The following CNTNAP2 variants were observed in gnomAD, a reference collection of about 807,000 sequenced individuals.
CNTNAP2 encodes contactin associated protein 2, also known as contactin-associated protein-like 2.
Under a neutral mutation model 155.2 loss-of-function variants are expected in CNTNAP2, and 98 were observed. That is an observed-to-expected ratio of 0.63 (90% CI 0.54 to 0.75). The LOEUF (loss-of-function observed/expected upper bound fraction) is 0.75, where lower values mean the gene tolerates loss of function less well. Ranked by LOEUF, CNTNAP2 falls within the 30% of genes least tolerant of loss-of-function variation. The probability of loss-of-function intolerance (pLI) is 0.00; values close to 1 mark genes in which losing one functional copy is unlikely to be tolerated. For missense variants in CNTNAP2, 1,727 were observed against 1,688.1 expected, an observed-to-expected ratio of 1.02 and a Z score of -0.40; for synonymous variants, 651 against 631.2, an observed-to-expected ratio of 1.03 and a Z score of -0.47.
intron 13 of CNTNAP2, among the ~76,000 whole-genome samples, chr7:147,791,453 C>CTTTT (rs35344971): frequency 4.1e-5 from 5 of 123,442 alleles, no homozygotes; most frequent in Admixed American, 8.3e-5. Context: ...CTCTCTCTCT[C>CTTTT]TTTTTTTTTT....
intron 13 of CNTNAP2, among the ~76,000 whole-genome samples, chr7:147,680,567 T>C (rs1461089981): frequency 3.3e-5 from 5 of 151,770 alleles, no homozygotes; most frequent in African/African-American, 1.2e-4. Flanking sequence ...ACACCCGGAG[T>C]AGATTCAGGA....
intron 3 of CNTNAP2, among the ~76,000 whole-genome samples, chr7:146,986,978 T>C (rs1055745720): frequency 6.6e-6 from 1 of 152,122 alleles, no homozygotes; most frequent in African/African-American, 2.4e-5. Context: ...TAAATAAAGT[T>C]GTTTCGTTCT....
intron 19 of CNTNAP2, among the ~76,000 whole-genome samples, chr7:148,224,788 G>T (rs1472611926): frequency 6.6e-6 from 1 of 152,214 alleles, no homozygotes; most frequent in Non-Finnish European, 1.5e-5. Flanking sequence ...TACAGTAATG[G>T]TGGAAGGGGA....
At chr7:146,210,092 T>C (rs189940718) in intron 1 of CNTNAP2, among the ~76,000 whole-genome samples, 15 of 152,262 alleles carry the variant, frequency 9.9e-5, no homozygotes, top group Non-Finnish European at 1.9e-4. Flanking sequence ...TTTTCATGTT[T>C]TTAATAGACA....
At chr7:147,645,298 G>T (rs1040077037) in intron 13 of CNTNAP2, among the ~76,000 whole-genome samples, 1 of 152,176 alleles carries the variant, frequency 6.6e-6, no homozygotes, top group African/African-American at 2.4e-5. Flanking sequence ...TGAATTTCAA[G>T]TTATGCTGTG....
chr7:147,295,721 C>T (rs1805428516), intron 8 of CNTNAP2, among the ~76,000 whole-genome samples: 1 of 152,128 alleles, frequency 6.6e-6, no homozygotes, highest in Non-Finnish European at 1.5e-5. Flanking sequence ...ATTGGGTCTT[C>T]CTTGCCACAT....
chr7:147,680,543 G>A (rs1034454175), intron 13 of CNTNAP2, among the ~76,000 whole-genome samples: 2 of 151,838 alleles, frequency 1.3e-5, no homozygotes, highest in Non-Finnish European at 2.9e-5. Context: ...CTTTTGTGAG[G>A]TCTACCCTAG....
At chr7:146,989,919 ATT>A (rs5888230) in intron 3 of CNTNAP2, among the ~76,000 whole-genome samples, 19 of 149,812 alleles carry the variant, frequency 1.3e-4, no homozygotes, top group East Asian at 5.9e-4. Flanking sequence ...AGTGCCATTG[ATT>A]TTTTTTTTTT....
At chr7:146,559,689 A>C (rs1798251479) in intron 1 of CNTNAP2, among the ~76,000 whole-genome samples, 1 of 152,200 alleles carries the variant, frequency 6.6e-6, no homozygotes, top group Non-Finnish European at 1.5e-5. Flanking sequence ...ATATTTTTTG[A>C]ATATCATAAG....
At position 147,483,835 on chromosome 7, in the gene CNTNAP2, G is replaced by T. The variant is rs1430543784; in HGVS notation, c.1671-2100G>T. ...GCTGTGTGTGTTCCCACGCCTCAGG[G>T]CCTGTACAGAATAGTGGCTATAGGA... On this transcript the variant is annotated intron_variant, in intron 10 of 23. Transcript: ENST00000361727. Among the ~76,000 whole-genome samples the T allele has an allele frequency of 7.2e-5, 11 of 152,246 alleles. No individual in the cohort carries two copies. In the East Asian group the frequency reaches 2.1e-3, roughly 29 times the overall value.
At chr7:146,315,582 T>C (rs1014728140) in intron 1 of CNTNAP2, among the ~76,000 whole-genome samples, 3 of 152,216 alleles carry the variant, frequency 2.0e-5, no homozygotes, top group African/African-American at 7.2e-5. Flanking sequence ...ACTTGGTGTG[T>C]CTGTGGGAGG....
intron 13 of CNTNAP2, among the ~76,000 whole-genome samples, chr7:147,839,891 G>C (rs116547841): frequency 0.19 from 28,906 of 151,770 alleles, 2,875 homozygotes; most frequent in South Asian, 0.29. Flanking sequence ...ATATGTGTGT[G>C]TGTGTGTATA....
At chr7:146,298,510 C>T (rs947642976) in intron 1 of CNTNAP2, among the ~76,000 whole-genome samples, 3 of 152,172 alleles carry the variant, frequency 2.0e-5, no homozygotes, top group African/African-American at 7.2e-5. Flanking sequence ...AGCAGAGTCT[C>T]AAGGCAATTT....
At chr7:147,512,638 A>G (rs542851133) in intron 11 of CNTNAP2, among the ~76,000 whole-genome samples, 2 of 152,302 alleles carry the variant, frequency 1.3e-5, no homozygotes, top group South Asian at 4.1e-4. Context: ...TTATTTAAAG[A>G]ACCATAAATA....
chr7:146,665,923 T>C (rs1800186423), intron 1 of CNTNAP2, among the ~76,000 whole-genome samples: 1 of 151,896 alleles, frequency 6.6e-6, no homozygotes, highest in Non-Finnish European at 1.5e-5. Context: ...TCAGTACATA[T>C]ACTGTATATT....
chr7:148,338,250 G>T (rs1367738710), intron 21 of CNTNAP2, among the ~76,000 whole-genome samples: 1 of 152,166 alleles, frequency 6.6e-6, no homozygotes, highest in Non-Finnish European at 1.5e-5. Flanking sequence ...GTAAGGGCTG[G>T]CTATGGTGAC....
At chr7:147,920,525 T>C (rs1800256375) in intron 14 of CNTNAP2, among the ~76,000 whole-genome samples, 1 of 152,154 alleles carries the variant, frequency 6.6e-6, no homozygotes, top group Admixed American at 6.5e-5. Flanking sequence ...ACTGGTTGTC[T>C]GTGCCTACCT....
intron 8 of CNTNAP2, among the ~76,000 whole-genome samples, chr7:147,245,761 C>CAAAAAAAAAA (rs34304342): frequency 1.2e-5 from 1 of 85,234 alleles, no homozygotes; most frequent in African/African-American, 4.6e-5. Context: ...GACTCTGTCT[C>CAAAAAAAAAA]AAAAAAAAAA....
intron 13 of CNTNAP2, among the ~76,000 whole-genome samples, chr7:147,671,462 A>G (rs1456863141): frequency 1.3e-5 from 2 of 152,222 alleles, no homozygotes; most frequent in Non-Finnish European, 2.9e-5. Flanking sequence ...TTTTCAAATT[A>G]TATCTCATGA....
Sources: allele counts gnomAD v4.1 joint callset (sites outside exome capture counted in the v4.1 genomes callset), GRCh38; gene constraint gnomAD v4.1.1; transcripts MANE v1.5; gene names NCBI Gene and HGNC (gene_info 2026-07-23, HGNC 2026-07-21).